Variants in TBL1XR1 observed in about 807,000 individuals in gnomAD.
TBL1XR1 encodes the protein F-box-like/WD repeat-containing protein TBL1XR1.
Under a neutral mutation model 66.9 loss-of-function variants are expected in TBL1XR1, and 5 were observed. That is an observed-to-expected ratio of 0.07 (90% confidence interval 0.04 to 0.16). The LOEUF (loss-of-function observed/expected upper bound fraction) is 0.16. Among genes scored for constraint, TBL1XR1 ranks in the 10% least tolerant of loss-of-function variants. The pLI is 1.00. For missense variants in TBL1XR1, 238 were observed against 623.2 expected (o/e 0.38, Z 6.58); for synonymous variants, 210 against 206.0 (o/e 1.02, Z -0.17).
intron 3 of TBL1XR1, among the ~76,000 whole-genome samples, chr3:177,056,142 C>T (rs1717775844): frequency 6.6e-6 from 1 of 152,130 alleles, no homozygotes; most frequent in Admixed American, 6.5e-5. Flanking sequence ...ACTGAGCCAT[C>T]TTATTGCCAT....
At chr3:177,078,379 C>T (rs1720949353) in intron 2 of TBL1XR1, among the ~76,000 whole-genome samples, 1 of 151,636 alleles carries the variant, frequency 6.6e-6, no homozygotes, top group South Asian at 2.1e-4. Flanking sequence ...ATCACTTGAG[C>T]CCTGGGCAAC....
chr3:177,082,767 T>TATATATATATATATATATAG (rs376700133), intron 2 of TBL1XR1, among the ~76,000 whole-genome samples: 1 of 131,306 alleles, frequency 7.6e-6, no homozygotes, highest in Non-Finnish European at 1.6e-5. Flanking sequence ...TATATATATA[T>TATATATATATATATATATAG]GAATATGAGA....
intron 10 of TBL1XR1, chr3:177,040,965 AC>A (rs1226689505): frequency 3.9e-5 from 6 of 152,212 alleles, no homozygotes; most frequent in African/African-American, 1.2e-4. Flanking sequence ...CCCTCAATCA[AC>A]CTTTTAACAA....
At chr3:177,077,826 T>TA (rs1481793372) in intron 2 of TBL1XR1, among the ~76,000 whole-genome samples, 2 of 152,270 alleles carry the variant, frequency 1.3e-5, no homozygotes, top group African/African-American at 2.4e-5. Context: ...CCTGTACCCC[T>TA]AAGTGCAGTT....
intron 2 of TBL1XR1, among the ~76,000 whole-genome samples, chr3:177,083,368 T>C (rs1721685291): frequency 6.6e-6 from 1 of 152,236 alleles, no homozygotes; most frequent in South Asian, 2.1e-4. Context: ...ATCAAGTTAG[T>C]ATGTATGTTT....
intron 1 of TBL1XR1, among the ~76,000 whole-genome samples, chr3:177,123,292 C>T (rs1727210642): frequency 7.3e-6 from 1 of 136,942 alleles, no homozygotes. Context: ...GTTTAAAATT[C>T]AAGCCTTAAA....
chr3:177,042,679 A>C (rs1379885047), intron 10 of TBL1XR1, among the ~76,000 whole-genome samples: 1 of 152,184 alleles, frequency 6.6e-6, no homozygotes, highest in Non-Finnish European at 1.5e-5. Context: ...TGTACCTGAC[A>C]AGTGAGAGAA....
chr3:177,087,343 T>C (rs73187524), intron 2 of TBL1XR1, among the ~76,000 whole-genome samples: 1 of 151,976 alleles, frequency 6.6e-6, no homozygotes, highest in Non-Finnish European at 1.5e-5. Flanking sequence ...GTCACTTTTT[T>C]AAAAAATATC....
chr3:177,050,710 C>G (rs966943700), intron 5 of TBL1XR1, 100 bp from the exon 6 acceptor site: 3 of 1,327,928 alleles, frequency 2.3e-6, no homozygotes, highest in African/African-American at 2.9e-5. Flanking sequence ...TTATCGCACA[C>G]AGTGTAACAT....
intron 10 of TBL1XR1, among the ~76,000 whole-genome samples, chr3:177,041,832 A>G (rs1715630050): frequency 1.3e-5 from 2 of 152,106 alleles, no homozygotes; most frequent in South Asian, 4.1e-4. Context: ...GAGGAGTCCA[A>G]AGTTAGGAGT....
intron 1 of TBL1XR1, among the ~76,000 whole-genome samples, chr3:177,157,140 T>C (rs1421703253): frequency 1.3e-5 from 2 of 152,088 alleles, no homozygotes; most frequent in Non-Finnish European, 2.9e-5. Flanking sequence ...GCCCATGAGG[T>C]CAAAGCTGGA....
intron 1 of TBL1XR1, among the ~76,000 whole-genome samples, chr3:177,179,375 G>A (rs1734540753): frequency 6.6e-6 from 1 of 152,206 alleles, no homozygotes; most frequent in Non-Finnish European, 1.5e-5. Flanking sequence ...TTGTTGTACT[G>A]ACATAATTCT....
intron 1 of TBL1XR1, among the ~76,000 whole-genome samples, chr3:177,171,125 G>A (rs1028030604): frequency 2.0e-5 from 3 of 151,892 alleles, no homozygotes; most frequent in Non-Finnish European, 4.4e-5. Context: ...CGGATCACCT[G>A]AGGTCAGGTG....
intron 1 of TBL1XR1, chr3:177,120,575 T>A (rs934208473): frequency 2.0e-5 from 3 of 152,218 alleles, no homozygotes; most frequent in Non-Finnish European, 4.4e-5. Flanking sequence ...AGATATTTTA[T>A]CCAAAGTCAA....
In TBL1XR1 at chr3:177,107,653, T is replaced by C. The variant is rs114279601; in HGVS notation, c.-121-9112A>G. ...AAGCTGTGTTATCTGCCTGACCCATTCAAGGAGCCACTTCTGGTTCACACA... is the reference window on the plus strand; with the variant it reads ...AAGCTGTGTTATCTGCCTGACCCATCCAAGGAGCCACTTCTGGTTCACACA... On this transcript the variant is annotated intron_variant, in intron 1 of 15. Transcript: ENST00000457928. 3.2e-3 allele frequency among the ~76,000 whole-genome samples: 480 copies of C among 152,248 alleles called. 7 individuals are homozygous for C. Among genetic ancestry groups the C allele is most frequent in the African/African-American group, 0.011 (462 of 41,540 alleles).
At chr3:177,145,975 T>G (rs1244080487) in intron 1 of TBL1XR1, among the ~76,000 whole-genome samples, 1 of 152,204 alleles carries the variant, frequency 6.6e-6, no homozygotes, top group East Asian at 1.9e-4. Context: ...CTGAAAGAAT[T>G]GTCAAAGAAC....
At chr3:177,071,223 G>C (rs531224259) in intron 2 of TBL1XR1, among the ~76,000 whole-genome samples, 1 of 151,776 alleles carries the variant, frequency 6.6e-6, no homozygotes, top group East Asian at 1.9e-4. Context: ...GTAGAGACGG[G>C]GTTTCATCTA....
At chr3:177,111,270 GATT>G (rs1725527042) in intron 1 of TBL1XR1, among the ~76,000 whole-genome samples, 1 of 118,610 alleles carries the variant, frequency 8.4e-6, no homozygotes, top group African/African-American at 3.0e-5. Context: ...CACTATGATT[GATT>G]TTTTTTTTTT....
rs148342092 is a variant in TBL1XR1 at position 177,067,069 on chromosome 3, C to T, written c.-45-2047G>A. 4.1e-4 allele frequency among the ~76,000 whole-genome samples: 63 copies of T among 152,236 alleles called. No homozygotes were observed. In the East Asian group the frequency reaches 0.011, roughly 27 times the overall value. ...CTAGATGGTAAATGTTCTGGCAGGACACCTTCCTCAACTTTAGCCTAACCA... is the reference window on the plus strand; with the variant it reads ...CTAGATGGTAAATGTTCTGGCAGGATACCTTCCTCAACTTTAGCCTAACCA... On this transcript the variant is annotated intron_variant, in intron 2 of 15. Coordinates refer to ENST00000457928, the MANE Select transcript of TBL1XR1 (RefSeq NM_024665.7).
Sources: allele counts gnomAD v4.1 joint callset (sites outside exome capture counted in the v4.1 genomes callset), GRCh38; gene constraint gnomAD v4.1.1; transcripts MANE v1.5; gene names NCBI Gene and HGNC (gene_info 2026-07-23, HGNC 2026-07-21).